The following AURKB variants were observed in gnomAD, a reference collection of about 807,000 sequenced individuals.
The protein encoded by AURKB is aurora kinase B.
In AURKB, 28 loss-of-function variants were observed where a neutral mutation model predicts 36.5. That is an observed-to-expected ratio of 0.77 (90% confidence interval 0.57 to 1.05). AURKB has a LOEUF of 1.05. Ranked by LOEUF, AURKB falls within the 50% of genes least tolerant of loss-of-function variation. The pLI, the probability that AURKB is intolerant of heterozygous loss-of-function variation, is 0.00. For missense variants in AURKB, 383 were observed against 447.4 expected, an observed-to-expected ratio of 0.86 and a Z score of 1.30; for synonymous variants, 175 against 172.9, an observed-to-expected ratio of 1.01 and a Z score of -0.09.
rs1040109930 is a variant in AURKB at position 8,210,025 on chromosome 17, G to T, written c.48+152C>A. The T allele has an allele frequency of 1.9e-5, 19 of 992,598 alleles. No homozygotes were observed. The African/African-American group carries it at 2.5e-4, about 13-fold the overall frequency. 61.5% of individuals were successfully genotyped at this position (992,598 alleles called of 1,614,324 possible). ...CAGGATGTGGCTACAAATGACCAGAGCGGGTTCTGTCGTCAAACTTGGGAC... is the reference window on the plus strand; with the variant it reads ...CAGGATGTGGCTACAAATGACCAGATCGGGTTCTGTCGTCAAACTTGGGAC... On this transcript the variant is annotated intron_variant, in intron 2 of 8. Coordinates refer to ENST00000585124, the MANE Select transcript of AURKB (RefSeq NM_004217.4).
In AURKB at chr17:8,206,099, A is replaced by G. The variant is rs1597346091; in HGVS notation, c.686+392T>C. On this transcript the variant is annotated intron_variant, in intron 7 of 8. Transcript: ENST00000585124. This position sits in a 1 kb window ranked among gnomAD's most constrained non-coding sequence, Gnocchi z 4.2. Reference sequence around the variant, plus strand: ...GGCCCCTACAGGGATCAAACCTGCGACCTTGGGGTTATTAGCACCACACTC... The same window carrying G: ...GGCCCCTACAGGGATCAAACCTGCGGCCTTGGGGTTATTAGCACCACACTC... 6.9e-6 allele frequency among the ~76,000 whole-genome samples: 1 copy of G among 145,726 alleles called. No individual in the cohort carries two copies. The highest frequency in any genetic ancestry group is 2.5e-5 in the African/African-American group (1 of 39,400).
At position 8,210,562 on chromosome 17, in the gene AURKB, GC is replaced by G. The variant is rs1985970425; in HGVS notation, c.-59del. On this transcript the variant is annotated 5_prime_UTR_variant, in exon 1 of 9. Coordinates refer to ENST00000585124, the MANE Select transcript of AURKB (RefSeq NM_004217.4). ...CCAAGGCACTGCTACTCTCCCGGCC[GC>G]CCGCAAACAACTGAATCTGCCACGC... The G allele has an allele frequency of 2.7e-6, 1 of 373,876 alleles. No individual in the cohort carries two copies. Among genetic ancestry groups the G allele is most frequent in the African/African-American group, 2.2e-5 (1 of 46,258 alleles). 23.2% of individuals were successfully genotyped at this position (373,876 alleles called of 1,614,324 possible).
At chr17:8,210,043 C>T in intron 2 of AURKB, 134 bp downstream of exon 2, 2 of 1,243,826 alleles carry the variant, frequency 1.6e-6, no homozygotes, top group Non-Finnish European at 2.3e-6. Context: ...TGTCGTCAAA[C>T]TTGGGACCCG....
At chr17:8,209,951 C>A (rs1985883610) in intron 2 of AURKB, 1 of 617,658 alleles carries the variant, frequency 1.6e-6, no homozygotes, top group Admixed American at 2.7e-5. Context: ...CAGAGGTCCT[C>A]ACCAGCTGGG....
At position 8,205,197 on chromosome 17, in the gene AURKB, GCC is replaced by G; in HGVS notation, c.861+17_861+18del. On this transcript the variant is annotated intron_variant, in intron 8 of 8. Coordinates refer to ENST00000585124, the MANE Select transcript of AURKB (RefSeq NM_004217.4). ...TCCTGGCTTCAGCAGCTGGCACGAA[GCC>G]CAGGCCGCCCTCCCACCTTGACGAT... 2.5e-6 allele frequency: 4 copies of G among 1,601,730 alleles called. No homozygotes were observed. The highest frequency in any genetic ancestry group is 3.4e-6 in the Non-Finnish European group (4 of 1,172,614).
chr17:8,207,799 C>A lies in AURKB; in HGVS notation c.90G>T (p.Arg30=). Reference sequence around the variant, plus strand: ...GTGCAGATGGGGTGACAGGCTCTTTCCGGAGGACTCGCTGGGGCAGGGTGC... The same window carrying A: ...GTGCAGATGGGGTGACAGGCTCTTTACGGAGGACTCGCTGGGGCAGGGTGC... The part of the protein sequence containing the change: ...GLSTLPQRVL[R]KEPVTPSALV... The change falls in exon 3 of 9, where the codon CGG becomes CGT. Residue 30 remains arginine, a synonymous_variant. Transcript: ENST00000585124. 1 of 1,614,032 alleles carries A rather than the reference C, an allele frequency of 6.2e-7. No homozygotes were observed. Among genetic ancestry groups the A allele is most frequent in the Middle Eastern group, 1.7e-4 (1 of 6,058 alleles).
intron 2 of AURKB, among the ~76,000 whole-genome samples, chr17:8,208,654 CT>C (rs1985721465): frequency 6.6e-6 from 1 of 151,070 alleles, no homozygotes; most frequent in Admixed American, 6.6e-5. Context: ...CTAAGTAGGC[CT>C]AAGATAAGGG....
intron 2 of AURKB, 64 bp downstream of exon 2, chr17:8,210,113 G>T: frequency 1.9e-6 from 3 of 1,584,718 alleles, no homozygotes; most frequent in Non-Finnish European, 8.7e-7. Context: ...AGGATCTCAA[G>T]TTTCCCAGCA....
rs767082017 is a variant in AURKB at position 8,205,029 on chromosome 17, G to A, written c.877C>T (p.Pro293Ser). ...TGGGCTCCCATGGGCACGGAAGCGG[G>A]GAACTTTAGGTCCACCTGCAGGTGT... is the stretch of plus-strand genomic sequence containing the variant. The part of the protein sequence containing the change: ...RRIVKVDLKF[P>S]ASVPMGAQDL... Residue 293 changes from proline (P) to serine (S), a missense_variant, in exon 9 of 9, where the codon CCC becomes TCC. This residue lies in a region of AURKB where 219 missense variants were observed against 252.6 expected (regional missense o/e 0.87). Coordinates refer to ENST00000585124, the MANE Select transcript of AURKB (RefSeq NM_004217.4). 6.3e-7 allele frequency: 1 copy of A among 1,585,396 alleles called. No individual in the cohort carries two copies. Among genetic ancestry groups the A allele is most frequent in the Non-Finnish European group, 8.6e-7 (1 of 1,168,856 alleles).
intron 2 of AURKB, 48 bp from the exon 3 acceptor site, chr17:8,207,888 C>T (rs373908865): frequency 4.9e-5 from 73 of 1,483,182 alleles, no homozygotes; most frequent in South Asian, 3.6e-4. Context: ...GTCTGATGAC[C>T]GGGGTGGAAT....
chr17:8,207,820 GGT>G lies in AURKB; in HGVS notation c.67_68del (p.Thr23ProfsTer38). The G allele has an allele frequency of 6.2e-7, 1 of 1,613,766 alleles. No individual in the cohort carries two copies. Among genetic ancestry groups the G allele is most frequent in the Non-Finnish European group, 8.5e-7 (1 of 1,179,874 alleles). Reference protein sequence around the residue: ...GRQTAPSGLSTLPQRVLRKEP... With the variant: ...GRQTAPSGLSXLPQRVLRKEP... ...CTTTCCGGAGGACTCGCTGGGGCAG[GGT>G]GCTCAGGCCAGATGGAGCCTGAGAA... On this transcript the variant is annotated frameshift_variant, in exon 3 of 9. Coordinates refer to ENST00000585124, the MANE Select transcript of AURKB (RefSeq NM_004217.4). LOFTEE classifies it high-confidence loss of function.
chr17:8,209,851 T>G (rs1216324977), intron 2 of AURKB: 1 of 416,606 alleles, frequency 2.4e-6, no homozygotes, highest in Non-Finnish European at 4.3e-6. Context: ...TCTAGTTTTT[T>G]TTTTTTCAGG....
rs148715809 is a variant in AURKB, at chr17:8,204,933, G to C, written c.973C>G (p.Pro325Ala). ...CTCCGAGAGTTGGCCCGGACCCAAG[G>C]GTGGGCTGAGACCTGGGCCAGGGGC... Reference protein sequence around the residue: ...RLPLAQVSAHPWVRANSRRVL... With the variant: ...RLPLAQVSAHAWVRANSRRVL... Residue 325 changes from proline (P) to alanine (A), a missense_variant, in exon 9 of 9, where the codon CCT becomes GCT. Pro to Ala is a conservative substitution (Grantham distance 27). This residue lies in a region of AURKB where 219 missense variants were observed against 252.6 expected (regional missense o/e 0.87). Coordinates refer to ENST00000585124, the MANE Select transcript of AURKB (RefSeq NM_004217.4). 5 of 1,608,464 alleles carry C rather than the reference G, an allele frequency of 3.1e-6. No homozygotes were observed. Among genetic ancestry groups the C allele is most frequent in the African/African-American group, 2.7e-5 (2 of 74,196 alleles).
At chr17:8,207,017 G>A in intron 5 of AURKB, 129 bp from the exon 6 acceptor site, 1 of 1,487,674 alleles carries the variant, frequency 6.7e-7, no homozygotes, top group South Asian at 1.3e-5. Flanking sequence ...AGGGGAAACT[G>A]GAGGCAGATT....
intron 4 of AURKB, 33 bp downstream of exon 4, chr17:8,207,538 A>G (rs774873763): frequency 6.2e-7 from 1 of 1,604,976 alleles, no homozygotes; most frequent in Non-Finnish European, 8.5e-7. Flanking sequence ...TTGTCCCCTC[A>G]CCCCCGTCCA....
intron 3 of AURKB, 25 bp from the exon 4 acceptor site, chr17:8,207,650 A>G: frequency 1.2e-6 from 2 of 1,613,882 alleles, no homozygotes; most frequent in South Asian, 2.2e-5. Flanking sequence ...GGTAGGTTGA[A>G]TGCGAACAGG....
At chr17:8,205,435 A>G (rs948449890) in intron 7 of AURKB, 45 bp from the exon 8 acceptor site, 1 of 1,596,036 alleles carries the variant, frequency 6.3e-7, no homozygotes, top group African/African-American at 1.3e-5. Context: ...GTGACATAGG[A>G]ACTCTCCTTT....
intron 2 of AURKB, 94 bp from the exon 3 acceptor site, chr17:8,207,934 G>GCCACCCA: frequency 1.0e-6 from 1 of 995,654 alleles, no homozygotes; most frequent in Non-Finnish European, 1.5e-6. Context: ...TTGCTAAAGA[G>GCCACCCA]CCACCCACCC....
At position 8,207,544 on chromosome 17, in the gene AURKB, G is replaced by A. The variant is rs114728163; in HGVS notation, c.206+27C>T. On this transcript the variant is annotated intron_variant, in intron 4 of 8. Transcript: ENST00000585124. ...GCCTGTTCATTGTCCCCTCACCCCC[G>A]TCCACCCCCAGGCTTGGGGCACTTA... is the stretch of plus-strand genomic sequence containing the variant. The A allele has an allele frequency of 6.1e-4, 976 of 1,609,250 alleles. 5 individuals are homozygous for A. In the African/African-American group the frequency reaches 0.012, roughly 20 times the overall value.
Sources: allele counts gnomAD v4.1 joint callset (sites outside exome capture counted in the v4.1 genomes callset), GRCh38; gene constraint gnomAD v4.1.1; regional missense constraint gnomAD v4.1.1; non-coding constraint Gnocchi (gnomAD v3.1); transcripts MANE v1.5; gene names NCBI Gene and HGNC (gene_info 2026-07-23, HGNC 2026-07-21).